Variants in SCN2A observed in about 807,000 individuals in gnomAD.
The protein encoded by SCN2A is sodium channel protein type 2 subunit alpha.
SCN2A carries 20 observed loss-of-function variants against 188.7 expected under a neutral mutation model. The ratio of observed to expected loss-of-function variants is 0.11; its 90% CI spans 0.07 to 0.15. SCN2A has a LOEUF of 0.15. SCN2A is among the 10% of genes least tolerant of loss of function. The pLI is 1.00. For synonymous variants in SCN2A, 804 were observed against 833.1 expected, an observed-to-expected ratio of 0.97 and a Z score of 0.60; for missense variants, 1,278 against 2,445.0, an observed-to-expected ratio of 0.52 and a Z score of 10.07.
chr2:165,384,495 A>G (rs1701763002), intron 25 of SCN2A, among the ~76,000 whole-genome samples: 1 of 151,964 alleles, frequency 6.6e-6, no homozygotes, highest in Non-Finnish European at 1.5e-5. Flanking sequence ...TCATTGGACA[A>G]CTCTATGAAC....
At chr2:165,251,323 T>A (rs1439772882) in intron 1 of SCN2A, among the ~76,000 whole-genome samples, 2 of 151,872 alleles carry the variant, frequency 1.3e-5, no homozygotes. Context: ...CAAGTGAGAG[T>A]CGTGGTGGTA....
chr2:165,291,503 CTTTCTTT>C (rs1696172945), intron 1 of SCN2A, among the ~76,000 whole-genome samples: 4 of 106,554 alleles, frequency 3.8e-5, no homozygotes, highest in Admixed American at 1.1e-4. Context: ...TTCTTTCTTT[CTTTCTTT>C]CTTCCTCTCC....
At chr2:165,246,177 C>T (rs530202396) in intron 1 of SCN2A, among the ~76,000 whole-genome samples, 1 of 152,166 alleles carries the variant, frequency 6.6e-6, no homozygotes, top group African/African-American at 2.4e-5. Flanking sequence ...TTTGGGTATG[C>T]ATCTTTTAAG....
chr2:165,369,351 G>A (rs1033691708), intron 19 of SCN2A, among the ~76,000 whole-genome samples: 1 of 152,192 alleles, frequency 6.6e-6, no homozygotes, highest in Non-Finnish European at 1.5e-5. Flanking sequence ...ATTGCACAAC[G>A]TGCTGGCACA....
At chr2:165,297,807 C>T (rs951642345) in intron 3 of SCN2A, among the ~76,000 whole-genome samples, 1 of 152,264 alleles carries the variant, frequency 6.6e-6, no homozygotes, top group Admixed American at 6.5e-5. Context: ...GGATTAATGT[C>T]TATCTATCCA....
At chr2:165,269,840 C>A (rs373506043) in intron 1 of SCN2A, 1 of 151,750 alleles carries the variant, frequency 6.6e-6, no homozygotes, top group Non-Finnish European at 1.5e-5. Context: ...TTAACTTTTA[C>A]ATTTATAACA....
chr2:165,347,644 G>C (rs1181246550), intron 16 of SCN2A, among the ~76,000 whole-genome samples: 1 of 152,098 alleles, frequency 6.6e-6, no homozygotes, highest in African/African-American at 2.4e-5. Context: ...AATCTTGAAG[G>C]CATGGAGAAG....
intron 11 of SCN2A, 58 bp from the exon 12 acceptor site, chr2:165,323,098 G>A (rs1324329375): frequency 6.7e-7 from 1 of 1,495,716 alleles, no homozygotes; most frequent in African/African-American, 1.4e-5. Flanking sequence ...CTGTTTTTCA[G>A]AATGCCAGCT....
chr2:165,263,384 C>G (rs866905735), intron 1 of SCN2A, among the ~76,000 whole-genome samples: 4 of 152,074 alleles, frequency 2.6e-5, no homozygotes, highest in Non-Finnish European at 2.9e-5. Flanking sequence ...AGTTCTTGAT[C>G]CCTCTTGAAT....
intron 19 of SCN2A, 150 bp downstream of exon 19, chr2:165,367,521 G>A: frequency 1.1e-6 from 1 of 926,134 alleles, no homozygotes; most frequent in South Asian, 1.4e-5. Flanking sequence ...GAGAGGCTTA[G>A]TAAATAGCAA....
chr2:165,332,860 C>T lies in SCN2A; in HGVS notation c.2388+1292C>T, dbSNP rs551577990. 2.6e-5 allele frequency among the ~76,000 whole-genome samples: 4 copies of T among 152,112 alleles called. No homozygotes were observed. The South Asian group carries it at 8.3e-4, about 32-fold the overall frequency. On this transcript the variant is annotated intron_variant, in intron 14 of 26. Coordinates refer to ENST00000375437, the MANE Select transcript of SCN2A (RefSeq NM_001040142.2). ...TTCTAGGTTCTAACCTGGCTAGATT[C>T]AGGTTCTCAGCCAGCATCATTGGGA...
At chr2:165,257,539 C>G (rs577885470) in intron 1 of SCN2A, among the ~76,000 whole-genome samples, 27 of 151,032 alleles carry the variant, frequency 1.8e-4, no homozygotes, top group African/African-American at 5.4e-4. Context: ...TGTTGTTGTT[C>G]TTGTTGTTGT....
chr2:165,254,358 C>T (rs1380892626), intron 1 of SCN2A, among the ~76,000 whole-genome samples: 1 of 151,616 alleles, frequency 6.6e-6, no homozygotes, highest in East Asian at 1.9e-4. Flanking sequence ...AAGTTTATAA[C>T]TGTATTCATT....
At chr2:165,315,858 A>G (rs1474092794) in intron 11 of SCN2A, 100 bp downstream of exon 11, 1 of 1,309,804 alleles carries the variant, frequency 7.6e-7, no homozygotes, top group Non-Finnish European at 1.1e-6. Flanking sequence ...TGGATGGCAC[A>G]ATGCTTTCAG....
chr2:165,304,190 T>C (rs1238521139), intron 3 of SCN2A, among the ~76,000 whole-genome samples: 1 of 152,178 alleles, frequency 6.6e-6, no homozygotes, highest in African/African-American at 2.4e-5. Context: ...CTCTGCCTCC[T>C]GGGTTCAAGT....
chr2:165,377,525 G>A, intron 22 of SCN2A, 72 bp from the exon 23 acceptor site: 2 of 1,284,704 alleles, frequency 1.6e-6, no homozygotes, highest in Non-Finnish European at 2.2e-6. Flanking sequence ...ATAGAATTTT[G>A]ATCAATTATT....
chr2:165,265,226 T>G (rs1694786389), intron 1 of SCN2A, among the ~76,000 whole-genome samples: 1 of 151,758 alleles, frequency 6.6e-6, no homozygotes, highest in African/African-American at 2.4e-5. Context: ...TAATGATAAG[T>G]GATGTAGAGT....
At chr2:165,373,405 T>G (rs1235258654) in intron 21 of SCN2A, 58 bp downstream of exon 21, 1 of 1,593,362 alleles carries the variant, frequency 6.3e-7, no homozygotes, top group Non-Finnish European at 8.6e-7. Context: ...ACTGACACTT[T>G]GTACCATGGA....
rs1274876885 is a variant in SCN2A at position 165,370,160 on chromosome 2, C to A, written c.3710C>A (p.Thr1237Asn). Residue 1237 changes from threonine to asparagine, a missense_variant, in exon 20 of 27, where the codon ACC (threonine) becomes AAC (asparagine). Around this residue, in one of 17 missense-constraint regions of SCN2A, gnomAD observed 228 missense variants for 297.3 expected, o/e 0.77. Coordinates refer to ENST00000375437, the MANE Select transcript of SCN2A (RefSeq NM_001040142.2). ...GATATATACATTGAGCAGCGAAAAACCATTAAGACCATGTTAGAATATGCT... is the reference window on the plus strand; with the variant it reads ...GATATATACATTGAGCAGCGAAAAAACATTAAGACCATGTTAGAATATGCT... ...FEDIYIEQRK[T>N]IKTMLEYADK... 6.2e-7 allele frequency: 1 copy of A among 1,613,870 alleles called. No homozygotes were observed. The highest frequency in any genetic ancestry group is 2.2e-5 in the East Asian group (1 of 44,874).
Sources: allele counts gnomAD v4.1 joint callset (sites outside exome capture counted in the v4.1 genomes callset), GRCh38; gene constraint gnomAD v4.1.1; regional missense constraint gnomAD v4.1.1; transcripts MANE v1.5; gene names NCBI Gene and HGNC (gene_info 2026-07-23, HGNC 2026-07-21).